Variants in SHISA7 observed in about 807,000 individuals in gnomAD.
SHISA7 encodes the protein protein shisa-7.
In SHISA7, 6 loss-of-function variants were observed where a neutral mutation model predicts 23.9. That is an observed-to-expected ratio of 0.25 (90% CI 0.14 to 0.50). The LOEUF is 0.50. Ranked by LOEUF, SHISA7 falls within the 20% of genes least tolerant of loss-of-function variation. The pLI, the probability that SHISA7 is intolerant of heterozygous loss-of-function variation, is 0.98. For missense variants in SHISA7, 671 were observed against 801.1 expected, an observed-to-expected ratio of 0.84 and a Z score of 1.96; for synonymous variants, 386 against 398.3, an observed-to-expected ratio of 0.97 and a Z score of 0.37.
chr19:55,434,464 GGT>G (rs754502355), intron 3 of SHISA7, among the ~76,000 whole-genome samples: 53 of 127,304 alleles, frequency 4.2e-4, no homozygotes, highest in African/African-American at 1.2e-3. Flanking sequence ...GTGGTTGTGT[GGT>G]GTGTGTGTAT....
In SHISA7 at chr19:55,438,029, C is replaced by A. The variant is rs548414934; in HGVS notation, c.827-275G>T. Reference sequence around the variant, plus strand: ...CAGCCCCTCCTCCCTCAGACCCAGGCGTCCAGGCCCCCAGCCCCTCCTCCC... The same window carrying A: ...CAGCCCCTCCTCCCTCAGACCCAGGAGTCCAGGCCCCCAGCCCCTCCTCCC... On this transcript the variant is annotated intron_variant, in intron 2 of 3. Transcript: ENST00000376325. 5.2e-5 allele frequency among the ~76,000 whole-genome samples: 6 copies of A among 116,142 alleles called. No homozygotes were observed. The South Asian group carries it at 9.1e-4, about 18-fold the overall frequency. The allele number at this position is 116,142 out of a possible 152,430, so 76.2% of individuals were successfully genotyped here.
At position 55,432,063 on chromosome 19, in the gene SHISA7, C is replaced by G. The variant is rs1271376730; in HGVS notation, c.*1093G>C. 4.6e-5 allele frequency: 7 copies of G among 152,526 alleles called. No homozygotes were observed. Among genetic ancestry groups the G allele is most frequent in the African/African-American group, 1.2e-4 (5 of 41,442 alleles). The allele number at this position is 152,526 out of a possible 1,614,324, so 9.4% of individuals were successfully genotyped here. ...GGGCAGTGCCTCTGAGGAGGAAGCT[C>G]TGGTGATGCCATCACAGCATTGGGG... is the stretch of plus-strand genomic sequence containing the variant. On this transcript the variant is annotated 3_prime_UTR_variant, in exon 4 of 4. Transcript: ENST00000376325. The surrounding 1 kb of genome is among the most constrained non-coding windows in gnomAD (Gnocchi z 4.6).
At chr19:55,441,361 C>T (rs1281255679) in intron 1 of SHISA7, among the ~76,000 whole-genome samples, 1 of 152,220 alleles carries the variant, frequency 6.6e-6, no homozygotes. Flanking sequence ...GCATCACGCC[C>T]GAGCTCAGGA....
In SHISA7 at chr19:55,433,411, C is replaced by G; in HGVS notation, c.1362G>C (p.Leu454=). The G allele has an allele frequency of 7.5e-7, 1 of 1,324,540 alleles. No homozygotes were observed. The highest frequency in any genetic ancestry group is 9.6e-7 in the Non-Finnish European group (1 of 1,045,636). 82.0% of individuals were successfully genotyped at this position (1,324,540 alleles called of 1,614,324 possible). ...TTGGGGGCCCCCCGGGCCCCAGCAG[C>G]AGGTTGGAGTGCGAGGCGGCCAGGC... ...RASLAASHSN[L]LLGPGGPPTP... The change falls in exon 4 of 4, where the codon CTG becomes CTC. Residue 454 remains leucine, a synonymous_variant. Transcript: ENST00000376325. The surrounding 1 kb of genome is among the most constrained non-coding windows in gnomAD (Gnocchi z 8.4).
chr19:55,437,124 CTT>C (rs1441590869), intron 3 of SHISA7, among the ~76,000 whole-genome samples: 2 of 152,082 alleles, frequency 1.3e-5, no homozygotes, highest in Non-Finnish European at 2.9e-5. Context: ...GGGAGAGACT[CTT>C]TTCTGCCAGG....
chr19:55,438,566 G>A, intron 2 of SHISA7: 1 of 1,304,348 alleles, frequency 7.7e-7, no homozygotes, highest in Non-Finnish European at 1.0e-6. Context: ...CGCACCCAGT[G>A]TGGCGGCGTG....
chr19:55,435,836 A>C (rs1192477678), intron 3 of SHISA7, among the ~76,000 whole-genome samples: 1 of 151,832 alleles, frequency 6.6e-6, no homozygotes, highest in Non-Finnish European at 1.5e-5. Context: ...GTGGCTAATT[A>C]TTAAGGCTGA....
Position 55,433,314 on chromosome 19 carries a change from G to T in SHISA7, c.1459C>A (p.Gln487Lys), listed in dbSNP as rs1174335578. The change falls in exon 4 of 4, where the codon CAG becomes AAG. Residue 487 changes from glutamine (Q) to lysine (K), a missense_variant. By Grantham distance (53) the Gln-to-Lys change is moderately conservative. This residue lies in a region of SHISA7 where 457 missense variants were observed against 488.3 expected (regional missense o/e 0.94). Transcript: ENST00000376325. The surrounding 1 kb of genome is among the most constrained non-coding windows in gnomAD (Gnocchi z 8.4). ...CCGGCGTCGGACATCCAGGCCGGCT[G>T]CGGCGAGCCGTGCAGGGCGTGGTGG... Reference protein sequence around the residue: ...HHHHALHGSPQPAWMSDAGGG... With the variant: ...HHHHALHGSPKPAWMSDAGGG... The T allele has an allele frequency of 4.7e-6, 7 of 1,483,996 alleles. No individual in the cohort carries two copies. Among genetic ancestry groups the T allele is most frequent in the African/African-American group, 1.5e-5 (1 of 68,302 alleles). 91.9% of individuals were successfully genotyped at this position (1,483,996 alleles called of 1,614,324 possible). A position where few individuals can be genotyped will look rare whatever the true frequency, so the allele number is the denominator to read the frequency against.
At chr19:55,435,410 G>T (rs1465312138) in intron 3 of SHISA7, among the ~76,000 whole-genome samples, 1 of 107,654 alleles carries the variant, frequency 9.3e-6, no homozygotes, top group Non-Finnish European at 1.8e-5. Context: ...GGTGTGTGTT[G>T]TGTGTGTGTG....
rs1985610215 is a variant in SHISA7 at position 55,442,094 on chromosome 19, C to T, written c.671+99G>A. ...GGCCGCCACCTGGGTCTCTGACCAC[C>T]ACGCCCTATCCCTGCAGCCCCTCCT... On this transcript the variant is annotated intron_variant, in intron 1 of 3. Coordinates refer to ENST00000376325, the MANE Select transcript of SHISA7 (RefSeq NM_001145176.2). 4.9e-6 allele frequency: 6 copies of T among 1,230,612 alleles called. No individual in the cohort carries two copies. In the South Asian group the frequency reaches 7.9e-5, roughly 16 times the overall value. 76.2% of individuals were successfully genotyped at this position (1,230,612 alleles called of 1,614,324 possible). A position where few individuals can be genotyped will look rare whatever the true frequency, so the allele number is the denominator to read the frequency against.
At chr19:55,436,698 C>T (rs1424572400) in intron 3 of SHISA7, among the ~76,000 whole-genome samples, 2 of 151,886 alleles carry the variant, frequency 1.3e-5, no homozygotes, top group African/African-American at 4.8e-5. Context: ...TTCTTGAGCC[C>T]AGGAGTTTGA....
intron 2 of SHISA7, among the ~76,000 whole-genome samples, chr19:55,439,208 C>T (rs1478754284): frequency 1.3e-5 from 2 of 152,228 alleles, no homozygotes; most frequent in African/African-American, 4.8e-5. Context: ...CCTCAAGCCG[C>T]ACTGCTCTCT....
rs118103081 is a variant in SHISA7, at chr19:55,434,840, T to G, written c.977-1044A>C. Among the ~76,000 whole-genome samples, 429 of 51,488 alleles carry G rather than the reference T, an allele frequency of 8.3e-3. 5 individuals carry two copies. The highest frequency in any genetic ancestry group is 0.023 in the African/African-American group (283 of 12,562). The allele number at this position is 51,488 out of a possible 152,430, so 33.8% of individuals were successfully genotyped here. A position where few individuals can be genotyped will look rare whatever the true frequency, so the allele number is the denominator to read the frequency against. ...GTGTGTATGTGTGTGTGGTGTGTGG[T>G]GTGTGTGTGCGTGTGTGTATATGTG... On this transcript the variant is annotated intron_variant, in intron 3 of 3. Coordinates refer to ENST00000376325, the MANE Select transcript of SHISA7 (RefSeq NM_001145176.2).
chr19:55,435,119 T>G (rs1985405861), intron 3 of SHISA7, among the ~76,000 whole-genome samples: 1 of 124,732 alleles, frequency 8.0e-6, no homozygotes, highest in Non-Finnish European at 1.7e-5. Flanking sequence ...GTGTGGTGTG[T>G]GTGGTGTGTG....
chr19:55,433,108 G>A lies in SHISA7; in HGVS notation c.*48C>T, dbSNP rs936593537. 3.2e-5 allele frequency: 48 copies of A among 1,488,154 alleles called. No individual in the cohort carries two copies. Among genetic ancestry groups the A allele is most frequent in the Non-Finnish European group, 4.1e-5 (46 of 1,125,762 alleles). The allele number at this position is 1,488,154 out of a possible 1,614,324, so 92.2% of individuals were successfully genotyped here. A position where few individuals can be genotyped will look rare whatever the true frequency, so the allele number is the denominator to read the frequency against. On this transcript the variant is annotated 3_prime_UTR_variant, in exon 4 of 4. Coordinates refer to ENST00000376325, the MANE Select transcript of SHISA7 (RefSeq NM_001145176.2). The surrounding 1 kb of genome is among the most constrained non-coding windows in gnomAD (Gnocchi z 8.4). Reference sequence around the variant, plus strand: ...GCGCCTGTGTCGGGGGATCCAGGCTGGGACGGGGGGCCCGGGAGGCCGCAG... The same window carrying A: ...GCGCCTGTGTCGGGGGATCCAGGCTAGGACGGGGGGCCCGGGAGGCCGCAG...
intron 3 of SHISA7, among the ~76,000 whole-genome samples, chr19:55,434,359 G>GGT (rs1225727224): frequency 3.8e-5 from 5 of 132,962 alleles, no homozygotes; most frequent in Middle Eastern, 4.1e-3. Flanking sequence ...GTGTATATGT[G>GGT]GTGTGTGTGT....
intron 3 of SHISA7, among the ~76,000 whole-genome samples, chr19:55,434,634 GTGTGGT>G (rs1985340576): frequency 8.6e-6 from 1 of 116,180 alleles, no homozygotes. Flanking sequence ...TGTGTGGTGT[GTGTGGT>G]TGTGTGTATG....
intron 3 of SHISA7, among the ~76,000 whole-genome samples, chr19:55,434,326 TG>T (rs1985303717): frequency 7.7e-6 from 1 of 129,230 alleles, no homozygotes; most frequent in African/African-American, 3.0e-5. Flanking sequence ...GTGTGTGTGG[TG>T]TGTGGTGTGT....
In SHISA7 at chr19:55,433,739, C is replaced by G; in HGVS notation, c.1034G>C (p.Gly345Ala). The G allele has an allele frequency of 6.8e-7, 1 of 1,460,768 alleles. No homozygotes were observed. Among genetic ancestry groups the G allele is most frequent in the South Asian group, 1.3e-5 (1 of 74,992 alleles). The allele number at this position is 1,460,768 out of a possible 1,614,324, so 90.5% of individuals were successfully genotyped here. The change falls in exon 4 of 4, where the codon GGC becomes GCC. Residue 345 changes from glycine to alanine, a missense_variant. By Grantham distance (60) the Gly-to-Ala change is moderately conservative. Coordinates refer to ENST00000376325, the MANE Select transcript of SHISA7 (RefSeq NM_001145176.2). The surrounding 1 kb of genome is among the most constrained non-coding windows in gnomAD (Gnocchi z 8.4). ...CCGCAGCGCGTGCAGGGGCAGCGTGCCGCGGGGCAATTCCAGGGGCCGGCG... is the reference window on the plus strand; with the variant it reads ...CCGCAGCGCGTGCAGGGGCAGCGTGGCGCGGGGCAATTCCAGGGGCCGGCG... ...LKRRPLELPR[G>A]TLPLHALRRP... is the part of the protein sequence containing the mutation.
Sources: gnomAD v4.1 joint callset for allele counts (sites outside exome capture counted in the v4.1 genomes callset) on GRCh38, gnomAD v4.1.1 for gene constraint, gnomAD v4.1.1 regional missense constraint, Gnocchi (gnomAD v3.1) non-coding constraint, MANE v1.5 for transcripts, NCBI Gene and HGNC (gene_info 2026-07-23, HGNC 2026-07-21) for gene names.